RBFOX1: variants seen among roughly 807,000 people sequenced by gnomAD.
The protein encoded by RBFOX1 is RNA binding protein fox-1 homolog 1.
RBFOX1 carries 8 observed loss-of-function variants against 57.7 expected under a neutral mutation model. The ratio of observed to expected loss-of-function variants is 0.14; its 90% CI spans 0.08 to 0.25. RBFOX1 has a LOEUF of 0.25. Ranked by LOEUF, RBFOX1 falls within the 10% of genes least tolerant of loss-of-function variation. The pLI is 1.00. For missense variants in RBFOX1, 611 were observed against 548.5 expected (o/e 1.11, Z -1.14); for synonymous variants, 326 against 222.4 (o/e 1.47, Z -4.15).
At chr16:5,696,485 T>G (rs2151471949) in intron 3 of RBFOX1, among the ~76,000 whole-genome samples, 1 of 152,364 alleles carries the variant, frequency 6.6e-6, no homozygotes, top group African/African-American at 2.4e-5. Context: ...ACTTGCTTCC[T>G]TGTGCTTTGA....
Position 7,228,390 on chromosome 16 carries a change from A to G in RBFOX1, c.27+176292A>G, listed in dbSNP as rs548779001. Among the ~76,000 whole-genome samples the G allele has an allele frequency of 5.9e-5, 9 of 152,298 alleles. No homozygotes were observed. In the South Asian group the frequency reaches 1.2e-3, roughly 21 times the overall value. ...CCGCTGTCATTATCAAGTGAGTTCA[A>G]CTAAGATTTGCTTAATGAAAACCTA... On this transcript the variant is annotated intron_variant, in intron 4 of 15. Transcript: ENST00000550418.
chr16:5,420,696 G>A (rs1371204692), intron 1 of RBFOX1, among the ~76,000 whole-genome samples: 1 of 152,058 alleles, frequency 6.6e-6, no homozygotes, highest in Admixed American at 6.6e-5. Context: ...ACCATGCCTG[G>A]CTAATTTTTG....
intron 3 of RBFOX1, among the ~76,000 whole-genome samples, chr16:6,980,986 T>G (rs576849521): frequency 1.6e-5 from 2 of 128,634 alleles, no homozygotes; most frequent in African/African-American, 6.3e-5. Context: ...GAGGTTGCAG[T>G]CTGCCGAGAT....
At chr16:6,891,363 C>T (rs1043223491) in intron 3 of RBFOX1, among the ~76,000 whole-genome samples, 3 of 152,076 alleles carry the variant, frequency 2.0e-5, no homozygotes, top group Admixed American at 2.0e-4. Flanking sequence ...ATATAAGATA[C>T]AGACACTAAA....
At chr16:5,641,152 C>T (rs764993828) in intron 3 of RBFOX1, among the ~76,000 whole-genome samples, 1 of 151,474 alleles carries the variant, frequency 6.6e-6, no homozygotes, top group African/African-American at 2.4e-5. Flanking sequence ...AATACACACA[C>T]ATGCATGTAC....
chr16:5,339,476 T>TTTTTTG (rs2064985422), intron 1 of RBFOX1, among the ~76,000 whole-genome samples: 3 of 91,530 alleles, frequency 3.3e-5, no homozygotes, highest in Non-Finnish European at 6.0e-5. Context: ...CCGTGTTTTT[T>TTTTTTG]TTTTTTTTTT....
intron 4 of RBFOX1, among the ~76,000 whole-genome samples, chr16:7,100,190 C>T (rs924788301): frequency 1.3e-5 from 2 of 151,588 alleles, no homozygotes; most frequent in Non-Finnish European, 1.5e-5. Flanking sequence ...AAAGGAATTT[C>T]GAAATTTGTG....
intron 1 of RBFOX1, among the ~76,000 whole-genome samples, chr16:6,073,040 A>T (rs1230737202): frequency 1.3e-5 from 2 of 152,218 alleles, no homozygotes; most frequent in Non-Finnish European, 2.9e-5. Context: ...TTATGGACAT[A>T]TCTCAGACAC....
chr16:6,178,668 C>A (rs758427063), intron 1 of RBFOX1, among the ~76,000 whole-genome samples: 7 of 152,102 alleles, frequency 4.6e-5, no homozygotes, highest in African/African-American at 1.7e-4. Context: ...TCTTTGAGCC[C>A]GGATGATCCT....
chr16:7,174,069 A>G (rs1469233329), intron 4 of RBFOX1, among the ~76,000 whole-genome samples: 1 of 152,230 alleles, frequency 6.6e-6, no homozygotes, highest in African/African-American at 2.4e-5. Context: ...TAAATGCTGA[A>G]TGGTGATTTA....
chr16:6,638,522 C>T (rs939242224), intron 2 of RBFOX1, among the ~76,000 whole-genome samples: 17 of 152,056 alleles, frequency 1.1e-4, no homozygotes, highest in Non-Finnish European at 2.1e-4. Flanking sequence ...ACTTTTACTA[C>T]CATGTTGTCA....
rs79937822 is a variant in RBFOX1, at chr16:7,227,085, C to A, written c.27+174987C>A. Among the ~76,000 whole-genome samples the A allele has an allele frequency of 1.9e-3, 288 of 152,240 alleles. 1 individual carries two copies. The highest frequency in any genetic ancestry group is 6.8e-3 in the African/African-American group (282 of 41,542). ...CCCAGCATTCTTACCTGGCCAGTTT[C>A]TGTCATTTATAGAACCTGTTTGGTC... On this transcript the variant is annotated intron_variant, in intron 4 of 15. Coordinates refer to ENST00000550418, the MANE Select transcript of RBFOX1 (RefSeq NM_018723.4).
At chr16:5,963,207 C>A (rs1216407817) in intron 4 of RBFOX1, among the ~76,000 whole-genome samples, 1 of 152,148 alleles carries the variant, frequency 6.6e-6, no homozygotes, top group African/African-American at 2.4e-5. Flanking sequence ...GCTGCTGTAT[C>A]AAACCCCAAA....
chr16:5,847,233 C>T (rs1329566069), intron 3 of RBFOX1, among the ~76,000 whole-genome samples: 2 of 151,996 alleles, frequency 1.3e-5, no homozygotes, highest in African/African-American at 4.8e-5. Context: ...GAAGACGCTG[C>T]AGTTGGTAGA....
intron 2 of RBFOX1, among the ~76,000 whole-genome samples, chr16:6,508,869 C>CAA (rs34095008): frequency 1.5e-4 from 22 of 144,420 alleles, no homozygotes; most frequent in Non-Finnish European, 3.1e-4. Flanking sequence ...CGAATCATAA[C>CAA]AAAAAAAAAA....
chr16:7,301,002 C>A (rs182429520), intron 4 of RBFOX1, among the ~76,000 whole-genome samples: 1 of 152,022 alleles, frequency 6.6e-6, no homozygotes, highest in Non-Finnish European at 1.5e-5. Context: ...TTTTCTTTCC[C>A]CACTTCTCCC....
intron 2 of RBFOX1, among the ~76,000 whole-genome samples, chr16:6,393,285 C>T (rs1352558430): frequency 6.6e-6 from 1 of 152,150 alleles, no homozygotes; most frequent in African/African-American, 2.4e-5. Context: ...TCAATCACAA[C>T]TATGAGTATA....
At chr16:6,675,137 C>T (rs562553571) in intron 3 of RBFOX1, among the ~76,000 whole-genome samples, 1 of 152,212 alleles carries the variant, frequency 6.6e-6, no homozygotes, top group African/African-American at 2.4e-5. Context: ...ATCTCTTGAC[C>T]TCGTGATCCG....
At chr16:6,183,190 G>A (rs932904973) in intron 1 of RBFOX1, among the ~76,000 whole-genome samples, 1 of 151,934 alleles carries the variant, frequency 6.6e-6, no homozygotes, top group African/African-American at 2.4e-5. Flanking sequence ...GAATAATAAA[G>A]GTAAGGAGGG....
Sources: allele counts gnomAD v4.1 joint callset (sites outside exome capture counted in the v4.1 genomes callset), GRCh38; gene constraint gnomAD v4.1.1; transcripts MANE v1.5; gene names NCBI Gene and HGNC (gene_info 2026-07-23, HGNC 2026-07-21).